Variants in ARHGAP24 observed in about 807,000 individuals in gnomAD.
The protein encoded by ARHGAP24 is rho GTPase-activating protein 24.
A neutral mutation model predicts 76.4 loss-of-function variants in ARHGAP24; 50 were observed. That is an observed-to-expected ratio of 0.65 (90% CI 0.52 to 0.83). The LOEUF (loss-of-function observed/expected upper bound fraction) is 0.83. Ranked by LOEUF, ARHGAP24 falls within the 40% of genes least tolerant of loss-of-function variation. ARHGAP24 has a pLI of 0.00. For missense variants in ARHGAP24, 930 were observed against 914.2 expected, an observed-to-expected ratio of 1.02 and a Z score of -0.22; for synonymous variants, 345 against 323.3, an observed-to-expected ratio of 1.07 and a Z score of -0.72.
In ARHGAP24 at chr4:85,771,233, T is replaced by C. The variant is rs183726220; in HGVS notation, c.268+49261T>C. Reference sequence around the variant, plus strand: ...ATGGTGGCTAAGAAGTTCCATGAACTTCTGTAGGCTGAAAGCCCAGGAAAC... The same window carrying C: ...ATGGTGGCTAAGAAGTTCCATGAACCTCTGTAGGCTGAAAGCCCAGGAAAC... On this transcript the variant is annotated intron_variant, in intron 3 of 9. Coordinates refer to ENST00000395184, the MANE Select transcript of ARHGAP24 (RefSeq NM_001025616.3). Among the ~76,000 whole-genome samples, 189 of 152,336 alleles carry C rather than the reference T, an allele frequency of 1.2e-3. 1 individual carries two copies. Among genetic ancestry groups the C allele is most frequent in the African/African-American group, 4.4e-3 (184 of 41,576 alleles).
intron 3 of ARHGAP24, among the ~76,000 whole-genome samples, chr4:85,809,137 T>G: frequency 6.6e-6 from 1 of 152,320 alleles, no homozygotes; most frequent in East Asian, 1.9e-4. Flanking sequence ...GGGCTTTCTA[T>G]TAATACAAAC....
At chr4:85,982,182 A>G (rs1378784701) in intron 8 of ARHGAP24, among the ~76,000 whole-genome samples, 1 of 151,762 alleles carries the variant, frequency 6.6e-6, no homozygotes, top group African/African-American at 2.4e-5. Context: ...CCTAGAAGTC[A>G]GTGTTTTTGT....
intron 3 of ARHGAP24, among the ~76,000 whole-genome samples, chr4:85,896,031 A>C (rs1378274367): frequency 6.6e-6 from 1 of 152,234 alleles, no homozygotes; most frequent in Non-Finnish European, 1.5e-5. Flanking sequence ...TAAATGCAGA[A>C]GAATAATTAC....
chr4:85,827,707 C>T (rs1263993441), intron 3 of ARHGAP24: 2 of 326,922 alleles, frequency 6.1e-6, no homozygotes, highest in Non-Finnish European at 1.2e-5. Flanking sequence ...ACTCCTTTTG[C>T]TTGTGGTCAC....
chr4:85,711,155 C>G (rs1560596594), intron 2 of ARHGAP24, among the ~76,000 whole-genome samples: 1 of 152,022 alleles, frequency 6.6e-6, no homozygotes, highest in Non-Finnish European at 1.5e-5. Flanking sequence ...AGCAGAAAAC[C>G]AAATACCAGA....
At chr4:85,681,751 T>C (rs77682255) in intron 2 of ARHGAP24, among the ~76,000 whole-genome samples, 3 of 152,306 alleles carry the variant, frequency 2.0e-5, no homozygotes, top group Admixed American at 6.5e-5. Flanking sequence ...ATGGAGAAAA[T>C]TGAGCTGTCT....
At chr4:85,703,901 C>A (rs1001263081) in intron 2 of ARHGAP24, among the ~76,000 whole-genome samples, 5 of 152,036 alleles carry the variant, frequency 3.3e-5, no homozygotes, top group Non-Finnish European at 5.9e-5. Flanking sequence ...ATGCTACCCC[C>A]AAAAAAATCC....
rs780303937 is a variant in ARHGAP24 at position 85,768,606 on chromosome 4, G to A, written c.268+46634G>A. ...ACAAAAATTAGCCGGGCATGGTGGC[G>A]CGCACCTGTAAAAATACAAAAATTA... On this transcript the variant is annotated intron_variant, in intron 3 of 9. Coordinates refer to ENST00000395184, the MANE Select transcript of ARHGAP24 (RefSeq NM_001025616.3). Among the ~76,000 whole-genome samples the A allele has an allele frequency of 3.9e-5, 6 of 151,906 alleles. No homozygotes were observed. The South Asian group carries it at 6.2e-4, about 16-fold the overall frequency.
intron 4 of ARHGAP24, chr4:85,930,706 C>A: frequency 1.6e-6 from 2 of 1,233,066 alleles, no homozygotes; most frequent in Non-Finnish European, 2.0e-6. Context: ...TAAAAACTCC[C>A]TGGATTAGGC....
chr4:85,888,415 A>AAG (rs1553938980), intron 3 of ARHGAP24, among the ~76,000 whole-genome samples: 23 of 151,198 alleles, frequency 1.5e-4, no homozygotes, highest in African/African-American at 3.9e-4. Context: ...AAAAAAAAAA[A>AAG]AAAGAAAGAA....
chr4:85,507,197 T>C (rs1253896635), intron 1 of ARHGAP24, among the ~76,000 whole-genome samples: 2 of 152,116 alleles, frequency 1.3e-5, no homozygotes, highest in Non-Finnish European at 1.5e-5. Context: ...CTCTATTTAC[T>C]TGTCTTTTAA....
chr4:85,487,424 A>G (rs192837354), intron 1 of ARHGAP24, among the ~76,000 whole-genome samples: 1,068 of 102,094 alleles, frequency 0.01, 22 homozygotes, highest in African/African-American at 0.04. Context: ...TATATATTAT[A>G]TAAATATATA....
At chr4:85,772,689 T>C (rs917925224) in intron 3 of ARHGAP24, among the ~76,000 whole-genome samples, 1 of 152,220 alleles carries the variant, frequency 6.6e-6, no homozygotes, top group Admixed American at 6.5e-5. Context: ...ATTTGTACTT[T>C]GCAAAGTAGC....
intron 3 of ARHGAP24, among the ~76,000 whole-genome samples, chr4:85,899,211 T>C (rs1378517169): frequency 1.3e-5 from 2 of 151,996 alleles, no homozygotes; most frequent in East Asian, 3.9e-4. Flanking sequence ...AAAGAAAAAA[T>C]ATTTGAAGGG....
chr4:85,713,033 C>T (rs1724585092), intron 2 of ARHGAP24, among the ~76,000 whole-genome samples: 1 of 152,096 alleles, frequency 6.6e-6, no homozygotes, highest in Non-Finnish European at 1.5e-5. Context: ...CGTGGTGGCT[C>T]ACGCCTATAA....
intron 2 of ARHGAP24, among the ~76,000 whole-genome samples, chr4:85,597,069 G>A (rs1719868016): frequency 6.6e-6 from 1 of 151,996 alleles, no homozygotes; most frequent in Admixed American, 6.6e-5. Context: ...TTCTTCAAAA[G>A]CAAAGATTTC....
chr4:85,732,787 G>T (rs1412577255), intron 3 of ARHGAP24, among the ~76,000 whole-genome samples: 7 of 148,878 alleles, frequency 4.7e-5, no homozygotes, highest in Admixed American at 2.0e-4. Context: ...TCCACCTCCC[G>T]GGTTCAAGCG....
chr4:85,665,440 C>T (rs894131913), intron 2 of ARHGAP24, among the ~76,000 whole-genome samples: 2 of 152,164 alleles, frequency 1.3e-5, no homozygotes. Context: ...CTGAATACAG[C>T]ACACTGATGG....
At chr4:85,603,282 T>C (rs1033192108) in intron 2 of ARHGAP24, among the ~76,000 whole-genome samples, 2 of 152,200 alleles carry the variant, frequency 1.3e-5, no homozygotes, top group Non-Finnish European at 2.9e-5. Flanking sequence ...ATGGAGGTGG[T>C]TGACCACCTT....
Sources: allele counts gnomAD v4.1 joint callset (sites outside exome capture counted in the v4.1 genomes callset), GRCh38; gene constraint gnomAD v4.1.1; transcripts MANE v1.5; gene names NCBI Gene and HGNC (gene_info 2026-07-23, HGNC 2026-07-21).